Variants in ESRRG observed in about 807,000 individuals in gnomAD.
ESRRG encodes estrogen-related receptor gamma.
In ESRRG, 13 loss-of-function variants were observed where a neutral mutation model predicts 44.0. The observed-to-expected ratio is 0.30, with a 90% confidence interval of 0.19 to 0.47. The LOEUF is 0.47. Among genes scored for constraint, ESRRG ranks in the 20% least tolerant of loss-of-function variants. The pLI is 1.00. For missense variants in ESRRG, 395 were observed against 580.6 expected, an observed-to-expected ratio of 0.68 and a Z score of 3.29; for synonymous variants, 215 against 214.6, an observed-to-expected ratio of 1.00 and a Z score of -0.02.
chr1:216,580,592 A>G (rs911720304), intron 3 of ESRRG, among the ~76,000 whole-genome samples: 4 of 152,214 alleles, frequency 2.6e-5, no homozygotes, highest in African/African-American at 9.6e-5. Context: ...GGGAAATTTG[A>G]CAAATGAGGG....
At chr1:216,605,108 A>G (rs1330541734) in intron 3 of ESRRG, among the ~76,000 whole-genome samples, 1 of 152,234 alleles carries the variant, frequency 6.6e-6, no homozygotes, top group Non-Finnish European at 1.5e-5. Flanking sequence ...ACCAAGAAAC[A>G]GAGCTTAAGT....
rs567339238 is a variant in ESRRG, at chr1:216,756,263, T to C, written c.-13-78772A>G. ...CTGAAAAAAAGCAATATATAAATAT[T>C]AGGGTTTTTTCTCTTCTTTTTGTAT... On this transcript the variant is annotated intron_variant, in intron 2 of 7. Transcript: ENST00000359162. Among the ~76,000 whole-genome samples the C allele has an allele frequency of 2.0e-4, 31 of 152,002 alleles. 1 individual carries two copies. Among genetic ancestry groups the C allele is most frequent in the Non-Finnish European group, 1.2e-4 (8 of 67,966 alleles).
chr1:216,777,565 C>G (rs1576433505), intron 2 of ESRRG, among the ~76,000 whole-genome samples: 1 of 152,240 alleles, frequency 6.6e-6, no homozygotes, highest in Non-Finnish European at 1.5e-5. Flanking sequence ...CAGTGCTAGA[C>G]TTAAATCTAA....
At chr1:217,094,163 G>A (rs1007009020), upstream of ESRRG, among the ~76,000 whole-genome samples, 4 of 152,142 alleles carry the variant, frequency 2.6e-5, no homozygotes, top group African/African-American at 9.7e-5. Context: ...GGGATTACAG[G>A]CATGAGCCAC....
At position 217,012,403 on chromosome 1, in the gene ESRRG, A is replaced by G. The variant is rs75908698; in HGVS notation, c.-105-72730T>C. ...AACTCTCAATGCATAAAATGTGGGA[A>G]AAAGAAGCTCATGAATCCCACCTGT... On this transcript the variant is annotated intron_variant, in intron 1 of 7. Transcript: ENST00000359162. Among the ~76,000 whole-genome samples the G allele has an allele frequency of 6.0e-3, 917 of 152,346 alleles. 8 individuals are homozygous for G. The highest frequency in any genetic ancestry group is 0.021 in the African/African-American group (876 of 41,584).
At chr1:216,644,159 T>C (rs971300785) in intron 3 of ESRRG, among the ~76,000 whole-genome samples, 9 of 152,166 alleles carry the variant, frequency 5.9e-5, no homozygotes, top group African/African-American at 2.2e-4. Context: ...CAATTTTCTA[T>C]ACTGGGTGGG....
chr1:216,748,961 C>T (rs933825293), intron 2 of ESRRG, among the ~76,000 whole-genome samples: 22 of 152,060 alleles, frequency 1.4e-4, no homozygotes, highest in African/African-American at 3.1e-4. Context: ...CAGTTGCCTA[C>T]GGTCGACGTA....
chr1:216,507,775 G>C (rs1275893583), intron 6 of ESRRG, among the ~76,000 whole-genome samples: 2 of 152,172 alleles, frequency 1.3e-5, no homozygotes, highest in Non-Finnish European at 2.9e-5. Flanking sequence ...TCCTTACAGA[G>C]TCTACTTCCC....
At chr1:217,029,790 C>T (rs2081783138) in intron 1 of ESRRG, among the ~76,000 whole-genome samples, 1 of 152,144 alleles carries the variant, frequency 6.6e-6, no homozygotes, top group African/African-American at 2.4e-5. Context: ...CTGCAACTCC[C>T]TTAAGTGAAA....
In ESRRG at chr1:216,504,686, T is replaced by C. The variant is rs894864714; in HGVS notation, c.*2253A>G. 2.0e-5 allele frequency: 3 copies of C among 152,640 alleles called. No homozygotes were observed. Among genetic ancestry groups the C allele is most frequent in the East Asian group, 1.9e-4 (1 of 5,198 alleles). The allele number at this position is 152,640 out of a possible 1,614,324, so 9.5% of individuals were successfully genotyped here. On this transcript the variant is annotated 3_prime_UTR_variant, in exon 7 of 7. Coordinates refer to ENST00000408911, the MANE Select transcript of ESRRG (RefSeq NM_001438.4). ...GAGATGATTGAGTGAAAGCCATATA[T>C]ACAGCATTTAAAAATTAGACTTATC...
At chr1:216,814,551 GC>G (rs1429329997) in intron 2 of ESRRG, among the ~76,000 whole-genome samples, 9 of 152,136 alleles carry the variant, frequency 5.9e-5, no homozygotes, top group Non-Finnish European at 1.2e-4. Context: ...CATTTTCTAT[GC>G]TTTTAAATCC....
intron 3 of ESRRG, among the ~76,000 whole-genome samples, chr1:216,581,522 AG>A (rs2062762750): frequency 6.6e-6 from 1 of 152,194 alleles, no homozygotes; most frequent in African/African-American, 2.4e-5. Context: ...CCCTCCCAAA[AG>A]AACCCATGTT....
At chr1:216,635,929 A>G (rs1422693402) in intron 3 of ESRRG, among the ~76,000 whole-genome samples, 1 of 152,242 alleles carries the variant, frequency 6.6e-6, no homozygotes, top group Non-Finnish European at 1.5e-5. Flanking sequence ...GGTCCTAAAC[A>G]TTCAAGCAAC....
At chr1:216,571,041 A>G (rs1032442296) in intron 3 of ESRRG, among the ~76,000 whole-genome samples, 1 of 152,212 alleles carries the variant, frequency 6.6e-6, no homozygotes, top group Non-Finnish European at 1.5e-5. Flanking sequence ...GGTGGAAAAC[A>G]ATTCAGACAT....
chr1:216,864,625 G>A (rs996047481), intron 2 of ESRRG: 3 of 152,062 alleles, frequency 2.0e-5, no homozygotes, highest in African/African-American at 7.2e-5. Flanking sequence ...AGAAGCAAAC[G>A]TGTTCTAAGA....
chr1:216,777,681 T>C (rs2093665408), intron 2 of ESRRG, among the ~76,000 whole-genome samples: 1 of 152,118 alleles, frequency 6.6e-6, no homozygotes, highest in Admixed American at 6.6e-5. Context: ...TTCATTTCTA[T>C]GGTCCCAACA....
At chr1:216,909,532 C>T (rs1256159190) in intron 2 of ESRRG, among the ~76,000 whole-genome samples, 1 of 152,224 alleles carries the variant, frequency 6.6e-6, no homozygotes, top group East Asian at 1.9e-4. Context: ...TAAAGTGTCA[C>T]TCTCACCCAG....
In ESRRG at chr1:216,839,800, C is replaced by A. The variant is rs2164617; in HGVS notation, c.-14+99782G>T. Reference sequence around the variant, plus strand: ...GGTAATCAGGTGCATTGTCAATGAGCAGTAATGTTTTAAAATGAATCTTTA... The same window carrying A: ...GGTAATCAGGTGCATTGTCAATGAGAAGTAATGTTTTAAAATGAATCTTTA... On this transcript the variant is annotated intron_variant, in intron 2 of 7. Coordinates refer to the ESRRG transcript ENST00000359162. Among the ~76,000 whole-genome samples the A allele has an allele frequency of 2.1e-3, 327 of 152,228 alleles. 4 individuals carry two copies. Among genetic ancestry groups the A allele is most frequent in the African/African-American group, 7.7e-3 (318 of 41,538 alleles).
At chr1:217,132,074 G>C (rs759372130) in intron 1 of ESRRG, among the ~76,000 whole-genome samples, 2 of 152,244 alleles carry the variant, frequency 1.3e-5, no homozygotes, top group Admixed American at 6.5e-5. Flanking sequence ...TTGGGGATCA[G>C]AGTGGAAAAG....
Sources: gnomAD v4.1 joint callset for allele counts (sites outside exome capture counted in the v4.1 genomes callset) on GRCh38, gnomAD v4.1.1 for gene constraint, MANE v1.5 for transcripts, NCBI Gene and HGNC (gene_info 2026-07-23, HGNC 2026-07-21) for gene names.